Variants in GGTLC2 observed in about 807,000 individuals in gnomAD.
The protein encoded by GGTLC2 is glutathione hydrolase light chain 2.
In GGTLC2, 13 loss-of-function variants were observed where a neutral mutation model predicts 20.2. The ratio of observed to expected loss-of-function variants is 0.64; its 90% confidence interval spans 0.42 to 1.02. The LOEUF is 1.02. Among genes scored for constraint, GGTLC2 ranks in the 50% least tolerant of loss-of-function variants. GGTLC2 has a pLI of 0.00. For missense variants in GGTLC2, 202 were observed against 301.3 expected, an observed-to-expected ratio of 0.67 and a Z score of 2.44; for synonymous variants, 89 against 125.5, an observed-to-expected ratio of 0.71 and a Z score of 1.94.
At position 22,647,032 on chromosome 22, in the gene GGTLC2, C is replaced by T. The variant is rs149680064; in HGVS notation, c.354C>T (p.Asp118=). 6.2e-6 allele frequency: 10 copies of T among 1,611,630 alleles called. No homozygotes were observed. Among genetic ancestry groups the T allele is most frequent in the African/African-American group, 5.3e-5 (4 of 74,890 alleles). ...GCCCGACGATCATGGTGGGCCAGGACGGCCAGGTCCGGATGGTGGTGGGAG... is the reference window on the plus strand; with the variant it reads ...GCCCGACGATCATGGTGGGCCAGGATGGCCAGGTCCGGATGGTGGTGGGAG... ...SMCPTIMVGQ[D]GQPPSHADHT... The change falls in exon 4 of 6, where the codon GAC becomes GAT. Residue 118 remains aspartate, a synonymous_variant. Transcript: ENST00000448514.
At chr22:22,644,860 G>T (rs1284429314) in intron 1 of GGTLC2, among the ~76,000 whole-genome samples, 152 bp downstream of exon 1, 1 of 96,930 alleles carries the variant, frequency 1.0e-5, no homozygotes, top group African/African-American at 4.4e-5. Context: ...ACTCCAGCCT[G>T]GGCAACAGAG....
intron 4 of GGTLC2, 27 bp from the exon 5 acceptor site, chr22:22,647,114 C>T (rs1322408714): frequency 6.2e-7 from 1 of 1,611,726 alleles, no homozygotes. Flanking sequence ...CACCCCTTTT[C>T]TCCCTGGCCG....
rs1180593782 is a variant in GGTLC2, at chr22:22,644,882, C to CTT, written c.-35+199_-35+200dup. Reference sequence around the variant, plus strand: ...CCTGGGCAACAGAGTCAGACTCTCTCTTTTTTTTTTTTTTTTTTTTTTTTT... The same window carrying CTT: ...CCTGGGCAACAGAGTCAGACTCTCTCTTTTTTTTTTTTTTTTTTTTTTTTTTT... On this transcript the variant is annotated intron_variant, in intron 1 of 5. Transcript: ENST00000448514. Among the ~76,000 whole-genome samples, 37 of 32,538 alleles carry CTT rather than the reference C, an allele frequency of 1.1e-3. 2 individuals carry two copies. Among genetic ancestry groups the CTT allele is most frequent in the African/African-American group, 4.0e-3 (17 of 4,248 alleles). The allele number at this position is 32,538 out of a possible 152,430, so 21.3% of individuals were successfully genotyped here.
chr22:22,647,887 C>G lies in GGTLC2; in HGVS notation c.*146C>G. 1 of 1,324,414 alleles carries G rather than the reference C, an allele frequency of 7.6e-7. No homozygotes were observed. The highest frequency in any genetic ancestry group is 1.0e-6 in the Non-Finnish European group (1 of 961,090). The allele number at this position is 1,324,414 out of a possible 1,614,324, so 82.0% of individuals were successfully genotyped here. On this transcript the variant is annotated 3_prime_UTR_variant, in exon 6 of 6. Coordinates refer to ENST00000448514, the MANE Select transcript of GGTLC2 (RefSeq NM_199127.3). Reference sequence around the variant, plus strand: ...CACTGTGCCAGGCTCCAGGTGGCCTCCCTGCCCTGTCTCCCCACTCTCTGG... The same window carrying G: ...CACTGTGCCAGGCTCCAGGTGGCCTGCCTGCCCTGTCTCCCCACTCTCTGG...
intron 1 of GGTLC2, among the ~76,000 whole-genome samples, chr22:22,645,808 A>G (rs372803548): frequency 0.053 from 7,569 of 142,924 alleles, 117 homozygotes; most frequent in Non-Finnish European, 0.06. Context: ...ACCAGCCTAT[A>G]CCACCTGCCT....
At position 22,646,988 on chromosome 22, in the gene GGTLC2, C is replaced by T; in HGVS notation, c.310C>T (p.Gln104Ter). The T allele has an allele frequency of 6.2e-7, 1 of 1,611,658 alleles. No individual in the cohort carries two copies. The highest frequency in any genetic ancestry group is 1.1e-5 in the South Asian group (1 of 90,982). ...TCTTCTCCCATCGGCCACAGGGAAG[C>T]AGCCGCTCTCGTCAATGTGCCCGAC... ...SPANFIQPGK[Q>*]PLSSMCPTIM... is the part of the protein sequence containing the mutation. Residue 104 changes from glutamine to a stop codon, truncating the protein, a stop_gained, in exon 4 of 6, where the codon CAG (glutamine) becomes TAG (stop). Coordinates refer to ENST00000448514, the MANE Select transcript of GGTLC2 (RefSeq NM_199127.3). LOFTEE classifies it high-confidence loss of function.
At chr22:22,645,195 T>C (rs955205346) in intron 1 of GGTLC2, among the ~76,000 whole-genome samples, 1 of 151,506 alleles carries the variant, frequency 6.6e-6, no homozygotes, top group African/African-American at 2.4e-5. Context: ...ATTACAGGCG[T>C]GAGCCACCGC....
chr22:22,644,875 ACTCT>A (rs1569284917), intron 1 of GGTLC2, among the ~76,000 whole-genome samples, 167 bp downstream of exon 1: 3 of 73,164 alleles, frequency 4.1e-5, no homozygotes, highest in African/African-American at 1.3e-4. Flanking sequence ...ACAGAGTCAG[ACTCT>A]CTCTTTTTTT....
Position 22,647,195 on chromosome 22 carries a change from T to C in GGTLC2, c.415T>C (p.Trp139Arg), listed in dbSNP as rs1350339199. Residue 139 changes from tryptophan (W) to arginine (R), a missense_variant, in exon 5 of 6, where the codon TGG becomes CGG. Around this residue, in one of 4 missense-constraint regions of GGTLC2, gnomAD observed 65 missense variants for 87.5 expected, o/e 0.74. Coordinates refer to ENST00000448514, the MANE Select transcript of GGTLC2 (RefSeq NM_199127.3). Reference sequence around the variant, plus strand: ...GCCCCAGGCCATCATCTACAACCTCTGGTTCGGCTATGACGTGAAGCGGGC... The same window carrying C: ...GCCCCAGGCCATCATCTACAACCTCCGGTTCGGCTATGACGTGAAGCGGGC... ...PMPQAIIYNL[W>R]FGYDVKRAVE... The C allele has an allele frequency of 1.2e-6, 2 of 1,611,486 alleles. No homozygotes were observed. Among genetic ancestry groups the C allele is most frequent in the Non-Finnish European group, 1.7e-6 (2 of 1,179,708 alleles).
At position 22,646,409 on chromosome 22, in the gene GGTLC2, A is replaced by G; in HGVS notation, c.64A>G (p.Ile22Val). Residue 22 changes from isoleucine to valine, a missense_variant, in exon 2 of 6, where the codon ATC becomes GTC. Coordinates refer to ENST00000448514, the MANE Select transcript of GGTLC2 (RefSeq NM_199127.3). ...AQISDDTTHP[I>V]SYYKPEFYTP... ...GATCTCTGACGACACCACTCACCCG[A>G]TCTCCTACTACAAGCCCGAGTTCTA... The G allele has an allele frequency of 1.3e-6, 2 of 1,550,036 alleles. No individual in the cohort carries two copies. The highest frequency in any genetic ancestry group is 1.8e-6 in the Non-Finnish European group (2 of 1,142,364).
chr22:22,646,774 C>T lies in GGTLC2; in HGVS notation c.197C>T (p.Ser66Phe), dbSNP rs771321961. Residue 66 changes from serine (S) to phenylalanine (F), a missense_variant, in exon 3 of 6, where the codon TCC becomes TTC. Ser to Phe is a radical substitution (Grantham distance 155, BLOSUM62 -2). Coordinates refer to ENST00000448514, the MANE Select transcript of GGTLC2 (RefSeq NM_199127.3). ...GGTAGCTTTGGCTCCAAGGTCCGCT[C>T]CCCGGTCAGCGAGATCCTGTTCAAT... ...INLYFGSKVR[S>F]PVSEILFNDE... The T allele has an allele frequency of 1.9e-6, 3 of 1,610,550 alleles. No homozygotes were observed. Among genetic ancestry groups the T allele is most frequent in the Admixed American group, 1.7e-5 (1 of 59,882 alleles).
In GGTLC2 at chr22:22,647,002, A is replaced by C. The variant is rs4050599; in HGVS notation, c.324A>C (p.Ser108=). Reference sequence around the variant, plus strand: ...CCACAGGGAAGCAGCCGCTCTCGTCAATGTGCCCGACGATCATGGTGGGCC... The same window carrying C: ...CCACAGGGAAGCAGCCGCTCTCGTCCATGTGCCCGACGATCATGGTGGGCC... ...FIQPGKQPLS[S]MCPTIMVGQD... Residue 108 remains serine, a synonymous_variant, in exon 4 of 6, where the codon TCA becomes TCC. Coordinates refer to ENST00000448514, the MANE Select transcript of GGTLC2 (RefSeq NM_199127.3). 3.9e-4 allele frequency: 631 copies of C among 1,610,740 alleles called. 1 individual carries two copies. Among genetic ancestry groups the C allele is most frequent in the Admixed American group, 5.5e-4 (33 of 59,942 alleles).
In GGTLC2 at chr22:22,644,882, C is replaced by CTTTTTT. The variant is rs1180593782; in HGVS notation, c.-35+195_-35+200dup. Among the ~76,000 whole-genome samples, 27 of 32,540 alleles carry CTTTTTT rather than the reference C, an allele frequency of 8.3e-4. 3 individuals are homozygous for CTTTTTT. Among genetic ancestry groups the CTTTTTT allele is most frequent in the Non-Finnish European group, 1.1e-3 (23 of 20,912 alleles). 21.3% of individuals were successfully genotyped at this position (32,540 alleles called of 152,430 possible). On this transcript the variant is annotated intron_variant, in intron 1 of 5. Transcript: ENST00000448514. Reference sequence around the variant, plus strand: ...CCTGGGCAACAGAGTCAGACTCTCTCTTTTTTTTTTTTTTTTTTTTTTTTT... The same window carrying CTTTTTT: ...CCTGGGCAACAGAGTCAGACTCTCTCTTTTTTTTTTTTTTTTTTTTTTTTTTTTTTT...
In GGTLC2 at chr22:22,646,845, G is replaced by A. The variant is rs769245507; in HGVS notation, c.268G>A (p.Gly90Arg). 2.5e-6 allele frequency: 4 copies of A among 1,613,412 alleles called. No homozygotes were observed. The East Asian group carries it at 6.7e-5, about 27-fold the overall frequency. ...FSSPNITNEF[G>R]VPPSPANFIQ... ...CTCTCCCAACATCACCAACGAGTTT[G>A]GGGTGCCCCCCTCACCTGCCAATTT... The change falls in exon 3 of 6, where the codon GGG (glycine) becomes AGG (arginine). Residue 90 changes from glycine to arginine, a missense_variant. Coordinates refer to ENST00000448514, the MANE Select transcript of GGTLC2 (RefSeq NM_199127.3).
chr22:22,644,918 T>C lies in GGTLC2; in HGVS notation c.-35+210T>C, dbSNP rs1454711185. 2.2e-5 allele frequency among the ~76,000 whole-genome samples: 2 copies of C among 92,380 alleles called. 1 individual carries two copies. Among genetic ancestry groups the C allele is most frequent in the South Asian group, 1.1e-3 (2 of 1,856 alleles). The allele number at this position is 92,380 out of a possible 152,430, so 60.6% of individuals were successfully genotyped here. A position where few individuals can be genotyped will look rare whatever the true frequency, so the allele number is the denominator to read the frequency against. On this transcript the variant is annotated intron_variant, in intron 1 of 5. Coordinates refer to ENST00000448514, the MANE Select transcript of GGTLC2 (RefSeq NM_199127.3). ...TTTTTTTTTTTTTTTTGAGATGGAG[T>C]CTCCCTCTGTCGCCCAGGCTGGATT...
At position 22,647,833 on chromosome 22, in the gene GGTLC2, G is replaced by A; in HGVS notation, c.*92G>A. 3 of 1,575,190 alleles carry A rather than the reference G, an allele frequency of 1.9e-6. No homozygotes were observed. The highest frequency in any genetic ancestry group is 2.6e-6 in the Non-Finnish European group (3 of 1,159,990). ...ACTCTGGGGGACTGGCTTCCCCTGT[G>A]AGCAGCAGAGCAGCACAATAAATGA... On this transcript the variant is annotated 3_prime_UTR_variant, in exon 6 of 6. Transcript: ENST00000448514.
Position 22,647,632 on chromosome 22 carries a change from C to A in GGTLC2, c.548C>A (p.Thr183Asn). Residue 183 changes from threonine to asparagine, a missense_variant, in exon 6 of 6, where the codon ACC becomes AAC. Thr to Asn is a moderately conservative substitution (Grantham distance 65). Coordinates refer to ENST00000448514, the MANE Select transcript of GGTLC2 (RefSeq NM_199127.3). ...TAALETRHHH[T>N]QIASTFIAVV... is the part of the protein sequence containing the mutation. ...GCCCTGGAGACCCGGCACCATCACA[C>A]CCAGATCGCGTCCACCTTCATCGCT... 3 of 1,581,018 alleles carry A rather than the reference C, an allele frequency of 1.9e-6. No individual in the cohort carries two copies. The highest frequency in any genetic ancestry group is 2.6e-6 in the Non-Finnish European group (3 of 1,154,032).
rs1037795918 is a variant in GGTLC2 at position 22,646,340 on chromosome 22, C to T, written c.-6C>T. Reference sequence around the variant, plus strand: ...AGCTCTGGGGTCTCGGCAGGTGGTCCACAACATGACCTCTGAGTTCTTCGC... The same window carrying T: ...AGCTCTGGGGTCTCGGCAGGTGGTCTACAACATGACCTCTGAGTTCTTCGC... On this transcript the variant is annotated 5_prime_UTR_variant, in exon 2 of 6. Coordinates refer to ENST00000448514, the MANE Select transcript of GGTLC2 (RefSeq NM_199127.3). The T allele has an allele frequency of 2.4e-5, 32 of 1,323,212 alleles. No homozygotes were observed. In the African/African-American group the frequency reaches 3.5e-4, roughly 15 times the overall value. 82.0% of individuals were successfully genotyped at this position (1,323,212 alleles called of 1,614,324 possible).
rs369472402 is a variant in GGTLC2 at position 22,646,798 on chromosome 22, A to G, written c.221A>G (p.Asn74Ser). 1.4e-5 allele frequency: 22 copies of G among 1,609,808 alleles called. No individual in the cohort carries two copies. The highest frequency in any genetic ancestry group is 1.7e-5 in the Non-Finnish European group (20 of 1,177,012). Residue 74 changes from asparagine to serine, a missense_variant, in exon 3 of 6, where the codon AAT (asparagine) becomes AGT (serine). This residue lies in a region of GGTLC2 where 71 missense variants were observed against 63.0 expected (regional missense o/e 1.13). Transcript: ENST00000448514. Reference protein sequence around the residue: ...VRSPVSEILFNDEMDDFSSPN... With the variant: ...VRSPVSEILFSDEMDDFSSPN... ...TCCCCGGTCAGCGAGATCCTGTTCAATGATGAAATGGATGACTTCAGCTCT... is the reference window on the plus strand; with the variant it reads ...TCCCCGGTCAGCGAGATCCTGTTCAGTGATGAAATGGATGACTTCAGCTCT...
Sources: allele counts gnomAD v4.1 joint callset (sites outside exome capture counted in the v4.1 genomes callset), GRCh38; gene constraint gnomAD v4.1.1; regional missense constraint gnomAD v4.1.1; transcripts MANE v1.5; gene names NCBI Gene and HGNC (gene_info 2026-07-23, HGNC 2026-07-21).